Variants in RCBTB1 observed in about 807,000 individuals in gnomAD.
RCBTB1 encodes RCC1 and BTB domain-containing protein 1.
A neutral mutation model predicts 62.4 loss-of-function variants in RCBTB1; 46 were observed. The observed-to-expected ratio is 0.74, with a 90% CI of 0.58 to 0.94. The LOEUF is 0.94. Among genes scored for constraint, RCBTB1 ranks in the 40% least tolerant of loss-of-function variants. The pLI is 0.00. For missense variants in RCBTB1, 565 were observed against 654.9 expected (o/e 0.86, Z 1.50); for synonymous variants, 222 against 245.8 (o/e 0.90, Z 0.91).
chr13:49,565,914 A>G (rs1294732195), intron 4 of RCBTB1, among the ~76,000 whole-genome samples: 1 of 151,596 alleles, frequency 6.6e-6, no homozygotes, highest in African/African-American at 2.4e-5. Context: ...TTTGTTCTGT[A>G]CTAAGAAAAA....
rs577852547 is a variant in RCBTB1 at position 49,559,432 on chromosome 13, A to G, written c.444+486T>C. ...AGCACTTTTGGAGGCCAAGGCGGGC[A>G]GATCACGAGGTCAGGAGATCGAGAC... On this transcript the variant is annotated intron_variant, in intron 5 of 12. Transcript: ENST00000378302. Among the ~76,000 whole-genome samples, 126 of 152,252 alleles carry G rather than the reference A, an allele frequency of 8.3e-4. 1 individual carries two copies. The highest frequency in any genetic ancestry group is 2.6e-3 in the African/African-American group (110 of 41,562).
At chr13:49,567,832 C>G (rs764539493) in intron 2 of RCBTB1, among the ~76,000 whole-genome samples, 2 of 152,226 alleles carry the variant, frequency 1.3e-5, no homozygotes, top group Non-Finnish European at 2.9e-5. Context: ...GCCGTCAAAT[C>G]AGGCTATTCA....
chr13:49,571,022 G>A (rs1963361267), intron 2 of RCBTB1, among the ~76,000 whole-genome samples: 1 of 152,126 alleles, frequency 6.6e-6, no homozygotes, highest in African/African-American at 2.4e-5. Flanking sequence ...TAAATGTACA[G>A]CAGCATCTGT....
rs1594312945 is a variant in RCBTB1 at position 49,562,948 on chromosome 13, T to C, written c.278-2864A>G. ...CCAACAAGGGAAACTATTCATGAAATATTACAAGAAGAAATTTCCAGAAAT... is the reference window on the plus strand; with the variant it reads ...CCAACAAGGGAAACTATTCATGAAACATTACAAGAAGAAATTTCCAGAAAT... On this transcript the variant is annotated intron_variant, in intron 4 of 12. Transcript: ENST00000378302. Among the ~76,000 whole-genome samples the C allele has an allele frequency of 1.3e-5, 2 of 151,568 alleles. 1 individual carries two copies. Among genetic ancestry groups the C allele is most frequent in the South Asian group, 4.2e-4 (2 of 4,790 alleles).
Position 49,567,085 on chromosome 13 carries a change from A to C in RCBTB1, c.126+69T>G. ...ATACCCCGCCTTTTCTCCATCTTTGAACTGGACACTTTGAAGACCAATTGC... is the reference window on the plus strand; with the variant it reads ...ATACCCCGCCTTTTCTCCATCTTTGCACTGGACACTTTGAAGACCAATTGC... On this transcript the variant is annotated intron_variant, in intron 3 of 12. Transcript: ENST00000378302. The C allele has an allele frequency of 2.0e-6, 3 of 1,469,984 alleles. No homozygotes were observed. In the East Asian group the frequency reaches 6.8e-5, roughly 33 times the overall value. 91.1% of individuals were successfully genotyped at this position (1,469,984 alleles called of 1,614,324 possible). A position where few individuals can be genotyped will look rare whatever the true frequency, so the allele number is the denominator to read the frequency against.
At chr13:49,574,397 G>A (rs1432050764) in intron 2 of RCBTB1, among the ~76,000 whole-genome samples, 1 of 152,200 alleles carries the variant, frequency 6.6e-6, no homozygotes, top group Non-Finnish European at 1.5e-5. Context: ...GGGATTAGAG[G>A]CGTGAGCCAC....
intron 2 of RCBTB1, among the ~76,000 whole-genome samples, chr13:49,571,113 G>A (rs556543483): frequency 5.9e-5 from 9 of 152,252 alleles, no homozygotes; most frequent in East Asian, 1.9e-4. Context: ...TTGAGAGGCC[G>A]AGGCGGGCGG....
Position 49,542,772 on chromosome 13 carries a change from A to T in RCBTB1, c.1173-945T>A, listed in dbSNP as rs369656790. On this transcript the variant is annotated intron_variant, in intron 10 of 12. Transcript: ENST00000378302. ...CAGGCCTGCTACAAGCTTATTTATA[A>T]AACACTCACATCCACTAGGATAGTC... 9.7e-4 allele frequency among the ~76,000 whole-genome samples: 147 copies of T among 152,154 alleles called. 2 individuals carry two copies. In the South Asian group the frequency reaches 0.022, roughly 23 times the overall value.
At chr13:49,544,273 C>T (rs779501771) in intron 10 of RCBTB1, among the ~76,000 whole-genome samples, 7 of 152,022 alleles carry the variant, frequency 4.6e-5, no homozygotes, top group Non-Finnish European at 1.0e-4. Context: ...AGTTCGAGAC[C>T]AACCTGACCA....
intron 10 of RCBTB1, among the ~76,000 whole-genome samples, chr13:49,544,322 AGCCAG>A (rs1181030255): frequency 6.6e-6 from 1 of 152,134 alleles, no homozygotes; most frequent in Non-Finnish European, 1.5e-5. Flanking sequence ...ATACAAAATT[AGCCAG>A]GCATGGTGGC....
Position 49,557,115 on chromosome 13 carries a change from T to G in RCBTB1, c.445-1442A>C, listed in dbSNP as rs1013809250. ...TCCCTGAGCTTTTGGGTTTGTTCAC[T>G]TATAAGTTGTCCTACTTAATAAAAT... On this transcript the variant is annotated intron_variant, in intron 5 of 12. Coordinates refer to ENST00000378302, the MANE Select transcript of RCBTB1 (RefSeq NM_018191.4). 2.2e-4 allele frequency among the ~76,000 whole-genome samples: 34 copies of G among 152,200 alleles called. 1 individual carries two copies. The highest frequency in any genetic ancestry group is 7.5e-4 in the African/African-American group (31 of 41,440).
intron 12 of RCBTB1, among the ~76,000 whole-genome samples, chr13:49,534,728 G>A (rs1396566393): frequency 6.6e-6 from 1 of 152,188 alleles, no homozygotes; most frequent in Non-Finnish European, 1.5e-5. Flanking sequence ...TCAACCTAAA[G>A]TGGCACATTA....
intron 4 of RCBTB1, among the ~76,000 whole-genome samples, chr13:49,565,845 T>C (rs1286585431): frequency 2.6e-5 from 4 of 152,054 alleles, no homozygotes; most frequent in Admixed American, 6.5e-5. Context: ...GGGGAAAAGA[T>C]AGAGAAATCA....
intron 12 of RCBTB1, among the ~76,000 whole-genome samples, chr13:49,539,016 C>T (rs9591273): frequency 0.13 from 20,369 of 151,496 alleles, 1,445 homozygotes; most frequent in South Asian, 0.26. Flanking sequence ...ATTACAGGTA[C>T]GCACCACCAC....
Position 49,549,110 on chromosome 13 carries a change from C to T in RCBTB1, c.1045+348G>A, listed in dbSNP as rs535257207. On this transcript the variant is annotated intron_variant, in intron 9 of 12. Coordinates refer to ENST00000378302, the MANE Select transcript of RCBTB1 (RefSeq NM_018191.4). ...TTGCACCACTGCACTCCAGCCTGGG[C>T]GACAGAGTGAGATTCTGTCTCAATA... 3.1e-5 allele frequency among the ~76,000 whole-genome samples: 4 copies of T among 128,408 alleles called. No homozygotes were observed. The East Asian group carries it at 6.6e-4, about 21-fold the overall frequency. The allele number at this position is 128,408 out of a possible 152,430, so 84.2% of individuals were successfully genotyped here.
At chr13:49,560,732 G>A (rs56250426) in intron 4 of RCBTB1, among the ~76,000 whole-genome samples, 36,965 of 151,976 alleles carry the variant, frequency 0.24, 5,787 homozygotes, top group African/African-American at 0.44. Flanking sequence ...GTGATCTCAG[G>A]AAGATTAAAA....
intron 4 of RCBTB1, among the ~76,000 whole-genome samples, chr13:49,560,356 A>AG (rs1161539138): frequency 6.6e-6 from 1 of 152,228 alleles, no homozygotes; most frequent in Non-Finnish European, 1.5e-5. Flanking sequence ...TGCAAGAATT[A>AG]GGCTTTCTAA....
chr13:49,534,759 C>T (rs1348136659), intron 12 of RCBTB1, among the ~76,000 whole-genome samples: 2 of 152,240 alleles, frequency 1.3e-5, no homozygotes, highest in African/African-American at 4.8e-5. Flanking sequence ...CCCAGCCGGG[C>T]ACGGTGGCTC....
At position 49,585,491 on chromosome 13, in the gene RCBTB1, T is replaced by G. The variant is rs1235436008; in HGVS notation, c.-169A>C. ...GCCGTCCCGCGGGACCGCAGGGATC[T>G]CCGAAGCTCCAATGGGCGCAGAAGT... On this transcript the variant is annotated 5_prime_UTR_variant, in exon 1 of 13. Coordinates refer to ENST00000378302, the MANE Select transcript of RCBTB1 (RefSeq NM_018191.4). 6.6e-6 allele frequency: 1 copy of G among 152,072 alleles called. No homozygotes were observed. The allele number at this position is 152,072 out of a possible 1,614,324, so 9.4% of individuals were successfully genotyped here.
Sources: gnomAD v4.1 joint callset for allele counts (sites outside exome capture counted in the v4.1 genomes callset) on GRCh38, gnomAD v4.1.1 for gene constraint, MANE v1.5 for transcripts, NCBI Gene and HGNC (gene_info 2026-07-23, HGNC 2026-07-21) for gene names.